The following SEC11C variants were observed in gnomAD, a reference collection of about 807,000 sequenced individuals.
SEC11C encodes signal peptidase complex catalytic subunit SEC11C.
SEC11C carries 10 observed loss-of-function variants against 21.9 expected under a neutral mutation model. The observed-to-expected ratio is 0.46, with a 90% CI of 0.28 to 0.77. The LOEUF is 0.77. Among genes scored for constraint, SEC11C ranks in the 30% least tolerant of loss-of-function variants. SEC11C has a pLI of 0.12. For missense variants in SEC11C, 145 were observed against 244.5 expected (o/e 0.59, Z 2.71); for synonymous variants, 83 against 85.6 (o/e 0.97, Z 0.17).
At chr18:59,148,148 G>GT (rs2069300061) in intron 1 of SEC11C, 1 of 152,436 alleles carries the variant, frequency 6.6e-6, no homozygotes, top group Non-Finnish European at 1.5e-5. Context: ...AGACAGCACA[G>GT]TGTTGATGGA....
In SEC11C at chr18:59,152,633, G is replaced by A; in HGVS notation, c.295G>A (p.Val99Ile). Reference protein sequence around the residue: ...IRAGEIVVFKVEGRDIPIVHR... With the variant: ...IRAGEIVVFKIEGRDIPIVHR... ...AGCTGGTGAAATAGTTGTTTTTAAA[G>A]TTGAAGGACGAGACATTCCAATAGT... is the stretch of plus-strand genomic sequence containing the variant. Residue 99 changes from valine (V) to isoleucine (I), a missense_variant, in exon 3 of 6, where the codon GTT becomes ATT. Coordinates refer to ENST00000587834, the MANE Select transcript of SEC11C (RefSeq NM_033280.4). 6.2e-7 allele frequency: 1 copy of A among 1,613,664 alleles called. No homozygotes were observed. Among genetic ancestry groups the A allele is most frequent in the Non-Finnish European group, 8.5e-7 (1 of 1,179,918 alleles).
intron 3 of SEC11C, among the ~76,000 whole-genome samples, chr18:59,154,696 A>G (rs2069399448): frequency 6.6e-6 from 1 of 152,236 alleles, no homozygotes; most frequent in Admixed American, 6.5e-5. Context: ...GATTTAAATT[A>G]CTTTGTGCTC....
rs574623575 is a variant in SEC11C at position 59,141,800 on chromosome 18, C to T, written c.87+1765C>T. On this transcript the variant is annotated intron_variant, in intron 1 of 5. Coordinates refer to ENST00000587834, the MANE Select transcript of SEC11C (RefSeq NM_033280.4). ...TTACTATTAAAGCAGGACCCACATG[C>T]AACACAAGGGCTCTTTGTTTCTGCA... Among the ~76,000 whole-genome samples the T allele has an allele frequency of 1.2e-4, 19 of 152,258 alleles. No individual in the cohort carries two copies. The East Asian group carries it at 2.9e-3, about 23-fold the overall frequency.
At chr18:59,151,454 C>T (rs183479605) in intron 2 of SEC11C, among the ~76,000 whole-genome samples, 3 of 152,086 alleles carry the variant, frequency 2.0e-5, no homozygotes, top group Admixed American at 2.0e-4. Context: ...TATTTCTAGC[C>T]CTTTTCCCCC....
At chr18:59,151,996 G>A (rs2069360507) in intron 2 of SEC11C, among the ~76,000 whole-genome samples, 1 of 152,186 alleles carries the variant, frequency 6.6e-6, no homozygotes. Context: ...AGAATATGGT[G>A]GAAAAGATGC....
intron 1 of SEC11C, among the ~76,000 whole-genome samples, chr18:59,142,081 A>G (rs2069217532): frequency 6.6e-6 from 1 of 152,172 alleles, no homozygotes; most frequent in African/African-American, 2.4e-5. Flanking sequence ...GACCGCAGTC[A>G]GCTTGTCAGT....
At position 59,149,689 on chromosome 18, in the gene SEC11C, G is replaced by A. The variant is rs532787926; in HGVS notation, c.197+67G>A. ...CAAGGCTGCCTTGGGCCTGAGGAGC[G>A]GGGCAGCCTTAAGTGAAAACCTGCG... is the stretch of plus-strand genomic sequence containing the variant. On this transcript the variant is annotated intron_variant, in intron 2 of 5. Transcript: ENST00000587834. The A allele has an allele frequency of 1.2e-4, 108 of 923,118 alleles. No homozygotes were observed. In the East Asian group the frequency reaches 2.1e-3, roughly 18 times the overall value. The allele number at this position is 923,118 out of a possible 1,614,324, so 57.2% of individuals were successfully genotyped here.
At chr18:59,144,607 T>G (rs1269752157) in intron 1 of SEC11C, among the ~76,000 whole-genome samples, 1 of 151,732 alleles carries the variant, frequency 6.6e-6, no homozygotes, top group Non-Finnish European at 1.5e-5. Context: ...ATGCCTGTAG[T>G]CCAGCCACTT....
Position 59,155,700 on chromosome 18 carries a change from C to T in SEC11C, c.360C>T (p.Asp120=). Residue 120 remains aspartate, a synonymous_variant, in exon 4 of 6, where the codon GAC becomes GAT. Transcript: ENST00000587834. ...TTTTGCTTTCCAGAGATAATGGAGA[C>T]ATCAAATTTCTGACTAAAGGAGATA... The part of the protein sequence containing the change: ...VIKVHEKDNG[D]IKFLTKGDNN... 1 of 1,613,240 alleles carries T rather than the reference C, an allele frequency of 6.2e-7. No individual in the cohort carries two copies. Among genetic ancestry groups the T allele is most frequent in the Middle Eastern group, 1.7e-4 (1 of 6,054 alleles).
chr18:59,148,290 T>C (rs987193810), intron 1 of SEC11C, among the ~76,000 whole-genome samples: 11 of 152,154 alleles, frequency 7.2e-5, no homozygotes, highest in Non-Finnish European at 7.4e-5. Context: ...TGATTTTGAG[T>C]GGTGCTAGCC....
At chr18:59,144,416 T>TA (rs2069246778) in intron 1 of SEC11C, among the ~76,000 whole-genome samples, 1 of 151,956 alleles carries the variant, frequency 6.6e-6, no homozygotes, top group Non-Finnish European at 1.5e-5. Context: ...ACAACAACAA[T>TA]AAAAAAACCA....
At chr18:59,146,885 A>T (rs1030560077) in intron 1 of SEC11C, 1 of 152,202 alleles carries the variant, frequency 6.6e-6, no homozygotes, top group African/African-American at 2.4e-5. Flanking sequence ...CTGGTCTGGG[A>T]TGGACTTTCC....
intron 3 of SEC11C, among the ~76,000 whole-genome samples, chr18:59,153,863 C>T (rs989738762): frequency 2.1e-4 from 32 of 152,084 alleles, no homozygotes; most frequent in African/African-American, 5.1e-4. Flanking sequence ...TGTGCCACCA[C>T]ACCCGGCTAA....
intron 3 of SEC11C, among the ~76,000 whole-genome samples, chr18:59,153,624 C>T (rs1185327759): frequency 6.6e-6 from 1 of 152,112 alleles, no homozygotes; most frequent in Non-Finnish European, 1.5e-5. Flanking sequence ...GATCTCTGCT[C>T]ACTGCAACTT....
At chr18:59,148,707 G>A (rs967876099) in intron 1 of SEC11C, among the ~76,000 whole-genome samples, 1 of 151,818 alleles carries the variant, frequency 6.6e-6, no homozygotes, top group Non-Finnish European at 1.5e-5. Context: ...TCTGCCTCCC[G>A]GGTTCACGCC....
intron 3 of SEC11C, among the ~76,000 whole-genome samples, chr18:59,155,445 T>C (rs2069408276): frequency 6.6e-6 from 1 of 152,242 alleles, no homozygotes; most frequent in African/African-American, 2.4e-5. Flanking sequence ...TGCTTGGTCA[T>C]GCTTTTTGTT....
intron 1 of SEC11C, among the ~76,000 whole-genome samples, chr18:59,144,842 A>G (rs1018845827): frequency 6.7e-6 from 1 of 150,198 alleles, no homozygotes; most frequent in Non-Finnish European, 1.5e-5. Context: ...TACTACTTGT[A>G]TTTTCCTTTG....
chr18:59,149,593 C>T lies in SEC11C; in HGVS notation c.168C>T (p.Gly56=). 6.2e-7 allele frequency: 1 copy of T among 1,612,242 alleles called. No individual in the cohort carries two copies. The highest frequency in any genetic ancestry group is 1.3e-5 in the African/African-American group (1 of 75,014). The part of the protein sequence containing the change: ...MIWKGLIVLT[G]SESPIVVVLS... The stretch of plus-strand genomic sequence containing the variant: ...GGAAAGGCTTGATCGTGCTCACAGG[C>T]AGTGAGAGCCCCATCGTGGTGGTGC... The change falls in exon 2 of 6, where the codon GGC becomes GGT. Residue 56 remains glycine (G), a synonymous_variant. Transcript: ENST00000587834.
chr18:59,158,352 T>A (rs906249886), intron 5 of SEC11C, among the ~76,000 whole-genome samples: 1 of 152,246 alleles, frequency 6.6e-6, no homozygotes, highest in South Asian at 2.1e-4. Context: ...CCATATTTTT[T>A]AAAAAAATCA....
Sources: gnomAD v4.1 joint callset for allele counts (sites outside exome capture counted in the v4.1 genomes callset) on GRCh38, gnomAD v4.1.1 for gene constraint, MANE v1.5 for transcripts, NCBI Gene and HGNC (gene_info 2026-07-23, HGNC 2026-07-21) for gene names.